The following NEMP2 variants were observed in gnomAD, a reference collection of about 807,000 sequenced individuals.
NEMP2 encodes UPF0571 transmembrane protein.
A neutral mutation model predicts 54.2 loss-of-function variants in NEMP2; 53 were observed. The ratio of observed to expected loss-of-function variants is 0.98; its 90% CI spans 0.78 to 1.23. NEMP2 has a LOEUF of 1.23. NEMP2 is among the 50% of genes most tolerant of loss of function. The pLI is 0.00. For missense variants in NEMP2, 455 were observed against 511.3 expected (o/e 0.89, Z 1.06); for synonymous variants, 197 against 190.3 (o/e 1.04, Z -0.29).
the NEMP2 span, among the ~76,000 whole-genome samples, chr2:190,566,724 AAG>A: frequency 8.0e-6 from 1 of 125,040 alleles, no homozygotes; most frequent in Admixed American, 7.4e-5. Flanking sequence ...AAAAGAAAGA[AAG>A]AAGGAAAGAA....
the NEMP2 span, chr2:190,464,751 A>T: frequency 1.1e-5 from 2 of 183,424 alleles, no homozygotes; most frequent in Non-Finnish European, 2.1e-5. Flanking sequence ...TTATTTGTTT[A>T]TGTGTTTGTC....
In NEMP2 at chr2:190,533,342, G is replaced by GT. The variant is rs1309829859; in HGVS notation, c.97+1216dup. On this transcript the variant is annotated intron_variant, in intron 1 of 8. Coordinates refer to ENST00000409150, the MANE Select transcript of NEMP2 (RefSeq NM_001142645.2). The surrounding 1 kb of genome is among the most constrained non-coding windows in gnomAD (Gnocchi z 4.3). Reference sequence around the variant, plus strand: ...ATTTTTTCACCAGCATAAAATTGTTGTATTTCTTACTACCAAACCTTCGTT... The same window carrying GT: ...ATTTTTTCACCAGCATAAAATTGTTGTTATTTCTTACTACCAAACCTTCGTT... Among the ~76,000 whole-genome samples, 1 of 152,148 alleles carries GT rather than the reference G, an allele frequency of 6.6e-6. No homozygotes were observed. The highest frequency in any genetic ancestry group is 2.4e-5 in the African/African-American group (1 of 41,426).
At chr2:190,437,307 C>T in the NEMP2 span, 3 of 1,614,254 alleles carry the variant, frequency 1.9e-6, no homozygotes, top group Non-Finnish European at 2.5e-6. This position sits in a 1 kb window ranked among gnomAD's most constrained non-coding sequence, Gnocchi z 5.9. Flanking sequence ...CACCAACCAC[C>T]ACAAGCCACT....
the NEMP2 span, among the ~76,000 whole-genome samples, chr2:190,643,910 G>T: frequency 6.6e-6 from 1 of 152,210 alleles, no homozygotes; most frequent in South Asian, 2.1e-4. Context: ...CTGGGTGACA[G>T]AGTGAGACCC....
the NEMP2 span, among the ~76,000 whole-genome samples, chr2:190,640,759 C>G: frequency 7.4e-6 from 1 of 135,452 alleles, no homozygotes; most frequent in Non-Finnish European, 1.6e-5. Flanking sequence ...TGTGACAATT[C>G]GCCAACTCAT....
At chr2:190,633,678 C>T in the NEMP2 span, among the ~76,000 whole-genome samples, 31,846 of 152,086 alleles carry the variant, frequency 0.21, 3,430 homozygotes, top group East Asian at 0.28. Flanking sequence ...AGTATGTACT[C>T]AGCAAATGTT....
the NEMP2 span, among the ~76,000 whole-genome samples, chr2:190,587,620 T>C: frequency 6.6e-6 from 1 of 152,110 alleles, no homozygotes; most frequent in African/African-American, 2.4e-5. This position sits in a 1 kb window ranked among gnomAD's most constrained non-coding sequence, Gnocchi z 5.4. Context: ...AGATGAGTAG[T>C]CCACAAGCCT....
chr2:190,450,488 CTTTT>C, the NEMP2 span, among the ~76,000 whole-genome samples: 1 of 97,252 alleles, frequency 1.0e-5, no homozygotes, highest in African/African-American at 3.9e-5. Flanking sequence ...TCTCTTTTTC[CTTTT>C]TTTTTTTTTT....
rs751543238 is a variant in NEMP2, at chr2:190,514,327, G to A, written c.953+126C>T. 6 of 940,248 alleles carry A rather than the reference G, an allele frequency of 6.4e-6. No homozygotes were observed. Among genetic ancestry groups the A allele is most frequent in the Non-Finnish European group, 9.7e-6 (6 of 615,612 alleles). The allele number at this position is 940,248 out of a possible 1,614,324, so 58.2% of individuals were successfully genotyped here. On this transcript the variant is annotated intron_variant, in intron 7 of 8. Transcript: ENST00000409150. This position sits in a 1 kb window ranked among gnomAD's most constrained non-coding sequence, Gnocchi z 5.7. ...TCTCTACCCCTACACCCCCAATCTT[G>A]CTCAGAATGAAATCTCCAGATCAAA... is the stretch of plus-strand genomic sequence containing the variant.
At position 190,507,035 on chromosome 2, in the gene NEMP2, A is replaced by G. The variant is rs1260822527; in HGVS notation, c.*2154T>C. 1 of 152,218 alleles carries G rather than the reference A, an allele frequency of 6.6e-6. No homozygotes were observed. Among genetic ancestry groups the G allele is most frequent in the African/African-American group, 2.4e-5 (1 of 41,450 alleles). The allele number at this position is 152,218 out of a possible 1,614,324, so 9.4% of individuals were successfully genotyped here. A position where few individuals can be genotyped will look rare whatever the true frequency, so the allele number is the denominator to read the frequency against. The stretch of plus-strand genomic sequence containing the variant: ...GAGGGAAACATTTCTTGGAAGAGTT[A>G]TCTGTACATTGCTTGATGGGGATTA... On this transcript the variant is annotated 3_prime_UTR_variant, in exon 9 of 9. Coordinates refer to ENST00000409150, the MANE Select transcript of NEMP2 (RefSeq NM_001142645.2). The surrounding 1 kb of genome is among the most constrained non-coding windows in gnomAD (Gnocchi z 4.4).
the NEMP2 span, chr2:190,436,861 G>C: frequency 2.5e-6 from 4 of 1,614,112 alleles, no homozygotes; most frequent in African/African-American, 1.3e-5. The surrounding 1 kb of genome is among the most constrained non-coding windows in gnomAD (Gnocchi z 5.3). Context: ...AGTCATGCTT[G>C]TTTATGATCA....
chr2:190,612,632 T>A, the NEMP2 span, among the ~76,000 whole-genome samples: 14 of 152,310 alleles, frequency 9.2e-5, no homozygotes, highest in African/African-American at 3.4e-4. Flanking sequence ...AATTGAACAA[T>A]TTTTTAAGTC....
the NEMP2 span, among the ~76,000 whole-genome samples, chr2:190,495,362 T>C: frequency 1.2e-4 from 18 of 152,124 alleles, no homozygotes; most frequent in African/African-American, 4.3e-4. The surrounding 1 kb of genome is among the most constrained non-coding windows in gnomAD (Gnocchi z 4.7). Flanking sequence ...CATACACAAA[T>C]GGAAACATAT....
the NEMP2 span, among the ~76,000 whole-genome samples, chr2:190,484,628 A>G: frequency 6.6e-6 from 1 of 152,230 alleles, no homozygotes; most frequent in Non-Finnish European, 1.5e-5. Flanking sequence ...GCTTCAGATT[A>G]TTAAGATTAC....
Position 190,508,967 on chromosome 2 carries a change from C to T in NEMP2, c.*222G>A. ...TCAAGGTAAGTGGTAGTGGCTGTCA[C>T]AGAATTTTGGTATCCACCTACAGTA... On this transcript the variant is annotated 3_prime_UTR_variant, in exon 9 of 9. Transcript: ENST00000409150. The surrounding 1 kb of genome is among the most constrained non-coding windows in gnomAD (Gnocchi z 4.3). The T allele has an allele frequency of 1.8e-6, 1 of 564,860 alleles. No homozygotes were observed. The highest frequency in any genetic ancestry group is 2.6e-5 in the South Asian group (1 of 38,430). The allele number at this position is 564,860 out of a possible 1,614,324, so 35.0% of individuals were successfully genotyped here.
the NEMP2 span, among the ~76,000 whole-genome samples, chr2:190,637,441 T>G: frequency 4.6e-5 from 7 of 152,368 alleles, no homozygotes; most frequent in South Asian, 1.5e-3. This position sits in a 1 kb window ranked among gnomAD's most constrained non-coding sequence, Gnocchi z 4.5. Flanking sequence ...AGGTGGCTCC[T>G]GCACAATTTG....
the NEMP2 span, among the ~76,000 whole-genome samples, chr2:190,468,528 G>T: frequency 6.6e-6 from 1 of 150,900 alleles, no homozygotes; most frequent in Non-Finnish European, 1.5e-5. Flanking sequence ...TTATGGCTCA[G>T]GGCAGCCTAG....
the NEMP2 span, among the ~76,000 whole-genome samples, chr2:190,491,544 A>G: frequency 1.3e-5 from 2 of 152,190 alleles, no homozygotes; most frequent in Admixed American, 6.5e-5. The surrounding 1 kb of genome is among the most constrained non-coding windows in gnomAD (Gnocchi z 4.2). Flanking sequence ...GGTGGGCTAG[A>G]TCCAGAAGAG....
At chr2:190,554,614 C>T in the NEMP2 span, among the ~76,000 whole-genome samples, 1 of 152,362 alleles carries the variant, frequency 6.6e-6, no homozygotes, top group Non-Finnish European at 1.5e-5. This position sits in a 1 kb window ranked among gnomAD's most constrained non-coding sequence, Gnocchi z 5.7. Flanking sequence ...AGGTTCCCTC[C>T]TCTCTGGGCA....
Sources: allele counts gnomAD v4.1 joint callset (sites outside exome capture counted in the v4.1 genomes callset), GRCh38; gene constraint gnomAD v4.1.1; non-coding constraint Gnocchi (gnomAD v3.1); transcripts MANE v1.5; gene names NCBI Gene and HGNC (gene_info 2026-07-23, HGNC 2026-07-21).